SOX6: variants seen among roughly 807,000 people sequenced by gnomAD.
SOX6 encodes SRY-box transcription factor 6, also known as transcription factor SOX-6.
SOX6 carries 11 observed loss-of-function variants against 97.8 expected under a neutral mutation model. That is an observed-to-expected ratio of 0.11 (90% confidence interval 0.07 to 0.19). The LOEUF (loss-of-function observed/expected upper bound fraction) is 0.19, where lower values mean the gene tolerates loss of function less well. Ranked by LOEUF, SOX6 falls within the 10% of genes least tolerant of loss-of-function variation. The pLI, the probability that SOX6 is intolerant of heterozygous loss-of-function variation, is 1.00. For synonymous variants in SOX6, 360 were observed against 371.4 expected, an observed-to-expected ratio of 0.97 and a Z score of 0.35; for missense variants, 810 against 1,039.5, an observed-to-expected ratio of 0.78 and a Z score of 3.04.
At chr11:16,132,505 A>AAAGAAAGAAAGAAAGAAAGAAAGAAAGC (rs1451899878) in intron 6 of SOX6, among the ~76,000 whole-genome samples, 6 of 86,150 alleles carry the variant, frequency 7.0e-5, no homozygotes, top group East Asian at 3.4e-4. Flanking sequence ...AGAAAGAAAG[A>AAAGAAAGAAAGAAAGAAAGAAAGAAAGC]AAGCTTATCT....
chr11:16,266,767 T>C (rs1854094186), intron 3 of SOX6, among the ~76,000 whole-genome samples: 1 of 151,432 alleles, frequency 6.6e-6, no homozygotes, highest in Non-Finnish European at 1.5e-5. Flanking sequence ...ATCACCAAAA[T>C]AATGCAACAG....
At chr11:16,491,684 T>A (rs1421651967) in intron 4 of SOX6, among the ~76,000 whole-genome samples, 1 of 151,930 alleles carries the variant, frequency 6.6e-6, no homozygotes, top group African/African-American at 2.4e-5. Context: ...TAATACAGAG[T>A]AACTGGCACA....
intron 5 of SOX6, 34 bp from the exon 6 acceptor site, chr11:16,183,988 A>G (rs1851406799): frequency 1.3e-6 from 2 of 1,576,300 alleles, no homozygotes; most frequent in Admixed American, 1.7e-5. Context: ...AGTTAAAATG[A>G]AATGCTTACA....
At chr11:16,207,119 G>A (rs1852092634) in intron 4 of SOX6, among the ~76,000 whole-genome samples, 1 of 152,018 alleles carries the variant, frequency 6.6e-6, no homozygotes, top group Admixed American at 6.6e-5. Context: ...TCTCTCTCAT[G>A]CTGCTGTGTC....
chr11:16,071,566 C>T (rs376060996), intron 9 of SOX6, among the ~76,000 whole-genome samples: 1 of 152,108 alleles, frequency 6.6e-6, no homozygotes, highest in East Asian at 1.9e-4. Flanking sequence ...GCAGGGCAGG[C>T]AACTCCACTG....
At chr11:15,994,534 G>C (rs1422139576) in intron 13 of SOX6, among the ~76,000 whole-genome samples, 1 of 151,844 alleles carries the variant, frequency 6.6e-6, no homozygotes, top group Non-Finnish European at 1.5e-5. Context: ...GAAGTCTTTT[G>C]AGGTTTTTAA....
chr11:15,974,057 A>G (rs961172437), intron 15 of SOX6, among the ~76,000 whole-genome samples: 3 of 152,214 alleles, frequency 2.0e-5, no homozygotes, highest in African/African-American at 7.2e-5. Context: ...CATATATGCA[A>G]TATTCACCAA....
chr11:16,029,072 T>C (rs1291324854), intron 12 of SOX6, among the ~76,000 whole-genome samples: 2 of 152,174 alleles, frequency 1.3e-5, no homozygotes, highest in Non-Finnish European at 2.9e-5. Context: ...TAAGATATTT[T>C]AAAATGTGGA....
chr11:16,514,693 C>A (rs1256004917), intron 4 of SOX6, among the ~76,000 whole-genome samples: 1 of 109,936 alleles, frequency 9.1e-6, no homozygotes, highest in Non-Finnish European at 1.8e-5. Context: ...CTATCCCTCC[C>A]CCCTCCCCCC....
Position 16,590,927 on chromosome 11 carries a change from A to G in SOX6, n.609+21154T>C, listed in dbSNP as rs181581558. On this transcript the variant is annotated intron_variant and non_coding_transcript_variant, in intron 4 of 5. Transcript: ENST00000524520. Reference sequence around the variant, plus strand: ...ACAATAATTTATTGTACATTTTAAAATAACTAAAGTATAATTGGACTGTTT... The same window carrying G: ...ACAATAATTTATTGTACATTTTAAAGTAACTAAAGTATAATTGGACTGTTT... 1.3e-3 allele frequency among the ~76,000 whole-genome samples: 203 copies of G among 152,242 alleles called. 1 individual carries two copies. The highest frequency in any genetic ancestry group is 4.8e-3 in the African/African-American group (198 of 41,584).
chr11:16,274,056 T>C (rs1426493408), intron 3 of SOX6, among the ~76,000 whole-genome samples: 1 of 152,102 alleles, frequency 6.6e-6, no homozygotes, highest in Non-Finnish European at 1.5e-5. Flanking sequence ...AATGCCCTTA[T>C]CTTTCAAAAC....
chr11:16,447,735 A>T (rs568415705), intron 1 of SOX6, among the ~76,000 whole-genome samples: 2 of 152,320 alleles, frequency 1.3e-5, no homozygotes, highest in South Asian at 2.1e-4. Context: ...AGGGAAAAAA[A>T]TTTGCTTACT....
chr11:16,102,724 A>C (rs1260695871), intron 7 of SOX6, among the ~76,000 whole-genome samples: 2 of 151,840 alleles, frequency 1.3e-5, no homozygotes, highest in Non-Finnish European at 2.9e-5. Context: ...AATAAAGCCA[A>C]ATACTTCCAG....
chr11:16,131,037 G>A (rs1849727880), intron 6 of SOX6, among the ~76,000 whole-genome samples: 1 of 151,740 alleles, frequency 6.6e-6, no homozygotes. Flanking sequence ...GAAAATCTTT[G>A]TGACATTGTA....
intron 1 of SOX6, among the ~76,000 whole-genome samples, chr11:16,405,948 G>C (rs1174579070): frequency 6.6e-6 from 1 of 151,878 alleles, no homozygotes; most frequent in Non-Finnish European, 1.5e-5. Context: ...CTCGACAAAG[G>C]GTATATTGTC....
chr11:16,420,583 T>A (rs1357420930), intron 1 of SOX6, among the ~76,000 whole-genome samples: 1 of 152,162 alleles, frequency 6.6e-6, no homozygotes, highest in African/African-American at 2.4e-5. Context: ...TAGAGAGAGA[T>A]AAAAAGTAGG....
Position 16,352,250 on chromosome 11 carries a change from T to TGATGGATGGATG in SOX6, c.-5+3832_-5+3843dup, listed in dbSNP as rs3030887. Among the ~76,000 whole-genome samples, 415 of 147,492 alleles carry TGATGGATGGATG rather than the reference T, an allele frequency of 2.8e-3. 2 individuals carry two copies. Among genetic ancestry groups the TGATGGATGGATG allele is most frequent in the Non-Finnish European group, 4.4e-3 (291 of 66,648 alleles). ...ATAAATGAATGAACCAATGGGCAGA[T>TGATGGATGGATG]GATGGATGGATGGATGGATGGATGG... On this transcript the variant is annotated intron_variant, in intron 1 of 15. Coordinates refer to ENST00000683767, the MANE Select transcript of SOX6 (RefSeq NM_001367873.1).
intron 2 of SOX6, among the ~76,000 whole-genome samples, chr11:16,335,296 G>A (rs1856423658): frequency 6.6e-6 from 1 of 152,070 alleles, no homozygotes; most frequent in Non-Finnish European, 1.5e-5. Flanking sequence ...AAAATTGAAT[G>A]AATTTCCAAA....
At chr11:16,490,493 T>G (rs1243758773) in intron 4 of SOX6, among the ~76,000 whole-genome samples, 1 of 152,014 alleles carries the variant, frequency 6.6e-6, no homozygotes, top group Admixed American at 6.6e-5. Context: ...TCACATAAGT[T>G]TAGAAAGTTC....
Sources: gnomAD v4.1 joint callset for allele counts (sites outside exome capture counted in the v4.1 genomes callset) on GRCh38, gnomAD v4.1.1 for gene constraint, MANE v1.5 for transcripts, NCBI Gene and HGNC (gene_info 2026-07-23, HGNC 2026-07-21) for gene names.